Variants in SENP6 observed in about 807,000 individuals in gnomAD.
The protein encoded by SENP6 is SUMO specific peptidase 6, also known as sentrin-specific protease 6.
A neutral mutation model predicts 134.5 loss-of-function variants in SENP6; 41 were observed. The observed-to-expected ratio is 0.30, with a 90% CI of 0.24 to 0.40. The LOEUF (loss-of-function observed/expected upper bound fraction) is 0.40. Ranked by LOEUF, SENP6 falls within the 10% of genes least tolerant of loss-of-function variation. The pLI, the probability that SENP6 is intolerant of heterozygous loss-of-function variation, is 1.00. For missense variants in SENP6, 1,248 were observed against 1,312.5 expected (o/e 0.95, Z 0.76); for synonymous variants, 395 against 429.8 (o/e 0.92, Z 1.00).
Position 75,717,652 on chromosome 6 carries a change from A to G in SENP6, c.*2058A>G, listed in dbSNP as rs923933822. Reference sequence around the variant, plus strand: ...TTTCGTGTATATGCACATTCACTTGATAATTGTGTATTCTATGTAGTTTAA... The same window carrying G: ...TTTCGTGTATATGCACATTCACTTGGTAATTGTGTATTCTATGTAGTTTAA... On this transcript the variant is annotated 3_prime_UTR_variant, in exon 24 of 24. Transcript: ENST00000447266. 1 of 152,152 alleles carries G rather than the reference A, an allele frequency of 6.6e-6. No individual in the cohort carries two copies. The highest frequency in any genetic ancestry group is 6.5e-5 in the Admixed American group (1 of 15,276). The allele number at this position is 152,152 out of a possible 1,614,324, so 9.4% of individuals were successfully genotyped here. A position where few individuals can be genotyped will look rare whatever the true frequency, so the allele number is the denominator to read the frequency against.
At chr6:75,701,324 C>G (rs1265221705) in intron 18 of SENP6, among the ~76,000 whole-genome samples, 1 of 152,104 alleles carries the variant, frequency 6.6e-6, no homozygotes, top group East Asian at 1.9e-4. Flanking sequence ...TGCTTGTGTC[C>G]TATACTCTAC....
At chr6:75,618,240 A>G (rs192492851) in intron 1 of SENP6, among the ~76,000 whole-genome samples, 2 of 152,182 alleles carry the variant, frequency 1.3e-5, no homozygotes, top group Non-Finnish European at 2.9e-5. Flanking sequence ...TGTAAGGAAC[A>G]TGTGTCCCTT....
At chr6:75,611,209 A>C (rs1767426205) in intron 1 of SENP6, 1 of 152,200 alleles carries the variant, frequency 6.6e-6, no homozygotes, top group African/African-American at 2.4e-5. Context: ...CTTTCTTCAT[A>C]ACCCCAGTGG....
chr6:75,709,950 A>G (rs1185680730), intron 20 of SENP6, among the ~76,000 whole-genome samples: 2 of 152,230 alleles, frequency 1.3e-5, no homozygotes, highest in Non-Finnish European at 2.9e-5. Flanking sequence ...TTGCCAGGAT[A>G]AATGTATACA....
chr6:75,697,295 C>T, intron 17 of SENP6, 130 bp from the exon 18 acceptor site: 1 of 606,264 alleles, frequency 1.6e-6, no homozygotes. Flanking sequence ...TTTCTTTCCC[C>T]AGTTTGTCAA....
At chr6:75,638,830 G>A (rs1027810073) in intron 5 of SENP6, among the ~76,000 whole-genome samples, 1 of 151,424 alleles carries the variant, frequency 6.6e-6, no homozygotes, top group Admixed American at 6.6e-5. Flanking sequence ...GGGCAAAATA[G>A]GAGGATAGCC....
chr6:75,631,051 A>G (rs960420498), intron 3 of SENP6, among the ~76,000 whole-genome samples: 7 of 151,938 alleles, frequency 4.6e-5, no homozygotes, highest in African/African-American at 7.2e-5. Context: ...AAAGATTTCA[A>G]TGACATTTAT....
chr6:75,685,291 GCTAGCAGTCAGT>G (rs1773749448), intron 16 of SENP6, among the ~76,000 whole-genome samples: 1 of 151,800 alleles, frequency 6.6e-6, no homozygotes, highest in Non-Finnish European at 1.5e-5. Context: ...TATTAGTCTT[GCTAGCAGTCAGT>G]CAATTTTGTT....
chr6:75,715,405 A>C lies in SENP6; in HGVS notation c.3150A>C (p.Glu1050Asp). ...TTCAGAATCCAATTCTCAGTTTTGAACTACCTATGAATTTGGCAAACTGGT... is the reference window on the plus strand; with the variant it reads ...TTCAGAATCCAATTCTCAGTTTTGACCTACCTATGAATTTGGCAAACTGGT... ...SFFENPILSF[E>D]LPMNLANWFP... is the part of the protein sequence containing the mutation. The change falls in exon 24 of 24, where the codon GAA becomes GAC. Residue 1050 changes from glutamate (E) to aspartate (D), a missense_variant. Transcript: ENST00000447266. 1.2e-6 allele frequency: 2 copies of C among 1,610,976 alleles called. No individual in the cohort carries two copies. Among genetic ancestry groups the C allele is most frequent in the Non-Finnish European group, 1.7e-6 (2 of 1,178,306 alleles).
At chr6:75,705,177 G>T (rs1272127053) in intron 19 of SENP6, among the ~76,000 whole-genome samples, 1 of 152,144 alleles carries the variant, frequency 6.6e-6, no homozygotes, top group Non-Finnish European at 1.5e-5. Flanking sequence ...TCCAATCTTT[G>T]TTTGTTTAAA....
At chr6:75,705,924 C>CTTTT (rs1562073188) in intron 19 of SENP6, among the ~76,000 whole-genome samples, 936 of 89,254 alleles carry the variant, frequency 0.01, 311 homozygotes, top group African/African-American at 0.023. Context: ...TATTTTTGAG[C>CTTTT]CTTTTTTTTT....
chr6:75,705,389 A>T (rs998416596), intron 19 of SENP6, among the ~76,000 whole-genome samples: 1 of 152,122 alleles, frequency 6.6e-6, no homozygotes, highest in East Asian at 1.9e-4. Context: ...TACTAAAAAT[A>T]CAAAAATTAG....
intron 1 of SENP6, among the ~76,000 whole-genome samples, chr6:75,620,082 C>CAAAAAAA (rs10526946): frequency 7.8e-6 from 1 of 127,838 alleles, no homozygotes; most frequent in Non-Finnish European, 1.7e-5. Flanking sequence ...TACCTTGCCT[C>CAAAAAAA]AAAAAAAAAA....
intron 14 of SENP6, 102 bp from the exon 15 acceptor site, chr6:75,678,481 T>C (rs1386322314): frequency 1.5e-6 from 1 of 651,970 alleles, no homozygotes; most frequent in South Asian, 2.0e-5. Context: ...TTCCACATTT[T>C]TAATCCTTTT....
At chr6:75,684,917 T>C (rs1773722256) in intron 16 of SENP6, among the ~76,000 whole-genome samples, 2 of 152,348 alleles carry the variant, frequency 1.3e-5, no homozygotes, top group South Asian at 2.1e-4. Context: ...CCTCATAAAA[T>C]GAGTTAGGGA....
At chr6:75,690,664 A>C (rs1478641726) in intron 16 of SENP6, among the ~76,000 whole-genome samples, 1 of 151,758 alleles carries the variant, frequency 6.6e-6, no homozygotes, top group South Asian at 2.1e-4. Context: ...TAACATGATA[A>C]ATTTTATATG....
chr6:75,635,800 G>A (rs1769468912), intron 5 of SENP6, among the ~76,000 whole-genome samples: 1 of 152,036 alleles, frequency 6.6e-6, no homozygotes, highest in South Asian at 2.1e-4. Context: ...AGAGTAATTA[G>A]GGGAGAGAAA....
chr6:75,616,411 G>A (rs937633969), intron 1 of SENP6, among the ~76,000 whole-genome samples: 1 of 151,914 alleles, frequency 6.6e-6, no homozygotes, highest in East Asian at 1.9e-4. Flanking sequence ...TTCCATGGAG[G>A]TTCTAATCTA....
intron 1 of SENP6, among the ~76,000 whole-genome samples, chr6:75,603,403 ATTAC>A (rs1227524228): frequency 6.6e-6 from 1 of 152,206 alleles, no homozygotes; most frequent in African/African-American, 2.4e-5. Context: ...AAGTGTTTAT[ATTAC>A]TTAATTTGAC....
Sources: gnomAD v4.1 joint callset for allele counts (sites outside exome capture counted in the v4.1 genomes callset) on GRCh38, gnomAD v4.1.1 for gene constraint, MANE v1.5 for transcripts, NCBI Gene and HGNC (gene_info 2026-07-23, HGNC 2026-07-21) for gene names.